The following SCHIP1 variants were observed in gnomAD, a reference collection of about 807,000 sequenced individuals.
SCHIP1 encodes the protein schwannomin-interacting protein 1.
Under a neutral mutation model 29.7 loss-of-function variants are expected in SCHIP1, and 8 were observed. That is an observed-to-expected ratio of 0.27 (90% confidence interval 0.16 to 0.49). The LOEUF (loss-of-function observed/expected upper bound fraction) is 0.49, where lower values mean the gene tolerates loss of function less well. SCHIP1 is among the 20% of genes least tolerant of loss of function. The probability of loss-of-function intolerance (pLI) is 0.99; values close to 1 mark genes in which losing one functional copy is unlikely to be tolerated. For missense variants in SCHIP1, 193 were observed against 294.6 expected, an observed-to-expected ratio of 0.66 and a Z score of 2.52; for synonymous variants, 76 against 94.9, an observed-to-expected ratio of 0.80 and a Z score of 1.16.
the SCHIP1 span, among the ~76,000 whole-genome samples, chr3:159,539,753 T>C: frequency 7.4e-6 from 1 of 135,810 alleles, no homozygotes; most frequent in East Asian, 2.5e-4. Flanking sequence ...TCTGAGTGCT[T>C]TCCCCCCATT....
chr3:159,476,770 A>C, the SCHIP1 span, among the ~76,000 whole-genome samples: 2 of 152,172 alleles, frequency 1.3e-5, no homozygotes, highest in Non-Finnish European at 2.9e-5. Flanking sequence ...AATCAACCTA[A>C]TTAACATATA....
At chr3:159,555,115 A>C in the SCHIP1 span, among the ~76,000 whole-genome samples, 1 of 152,196 alleles carries the variant, frequency 6.6e-6, no homozygotes, top group Non-Finnish European at 1.5e-5. Flanking sequence ...AAAAGCTCAA[A>C]TAGATGGATT....
chr3:159,344,633 T>G, the SCHIP1 span, among the ~76,000 whole-genome samples: 1 of 152,164 alleles, frequency 6.6e-6, no homozygotes, highest in Non-Finnish European at 1.5e-5. Flanking sequence ...ACTGTCAAGG[T>G]CCTCAATAGC....
chr3:159,869,206 A>G (rs1223320540), intron 2 of SCHIP1, among the ~76,000 whole-genome samples: 1 of 151,866 alleles, frequency 6.6e-6, no homozygotes, highest in Admixed American at 6.6e-5. Flanking sequence ...TCACTTTTTT[A>G]ATATGTGTTT....
chr3:159,745,372 C>A, the SCHIP1 span, among the ~76,000 whole-genome samples: 6 of 152,202 alleles, frequency 3.9e-5, no homozygotes, highest in African/African-American at 1.4e-4. Context: ...ATGCCCCTGC[C>A]TGCTCCCAGG....
chr3:159,274,409 T>C, the SCHIP1 span: 2 of 942,710 alleles, frequency 2.1e-6, no homozygotes, highest in Non-Finnish European at 1.3e-6. Context: ...AATTTATTGG[T>C]ATGAAATGTA....
chr3:159,644,463 A>G, the SCHIP1 span, among the ~76,000 whole-genome samples: 1 of 150,948 alleles, frequency 6.6e-6, no homozygotes, highest in South Asian at 2.1e-4. Flanking sequence ...CTGTAATTCT[A>G]GTGTGATGTA....
At chr3:159,670,490 C>T in the SCHIP1 span, among the ~76,000 whole-genome samples, 10 of 152,052 alleles carry the variant, frequency 6.6e-5, no homozygotes, top group East Asian at 1.9e-4. Flanking sequence ...TTTTGCTGTC[C>T]GAAATTCAAT....
At chr3:159,573,722 T>C in the SCHIP1 span, among the ~76,000 whole-genome samples, 43 of 152,350 alleles carry the variant, frequency 2.8e-4, no homozygotes, top group African/African-American at 9.9e-4. Flanking sequence ...TTGGTTCCAT[T>C]CTCCTCATCA....
the SCHIP1 span, among the ~76,000 whole-genome samples, chr3:159,527,995 C>A: frequency 2.0e-3 from 299 of 152,036 alleles, 1 homozygote; most frequent in African/African-American, 6.7e-3. Flanking sequence ...ATTGTTCATC[C>A]AAAAAAATGG....
chr3:159,506,271 T>G, the SCHIP1 span, among the ~76,000 whole-genome samples: 2 of 152,268 alleles, frequency 1.3e-5, no homozygotes, highest in African/African-American at 4.8e-5. Context: ...ATGTCTTATT[T>G]GAGAAGTGTC....
chr3:159,300,610 G>A, the SCHIP1 span, among the ~76,000 whole-genome samples: 9 of 152,094 alleles, frequency 5.9e-5, no homozygotes, highest in African/African-American at 1.4e-4. Flanking sequence ...CTGAACACAC[G>A]GAGTTACATC....
At chr3:159,713,405 AC>A in the SCHIP1 span, among the ~76,000 whole-genome samples, 1 of 152,068 alleles carries the variant, frequency 6.6e-6, no homozygotes, top group Non-Finnish European at 1.5e-5. Context: ...TGAAGCCCCA[AC>A]CCCTCACTCC....
chr3:159,492,322 G>A, the SCHIP1 span, among the ~76,000 whole-genome samples: 49 of 152,176 alleles, frequency 3.2e-4, no homozygotes, highest in African/African-American at 1.1e-3. Flanking sequence ...GAGGAAGTTC[G>A]AACCAATGGC....
At chr3:159,619,070 A>C in the SCHIP1 span, among the ~76,000 whole-genome samples, 1 of 152,228 alleles carries the variant, frequency 6.6e-6, no homozygotes, top group African/African-American at 2.4e-5. Flanking sequence ...CTGGGCTGTA[A>C]ATTTATACCA....
At chr3:159,418,642 TTTTC>T in the SCHIP1 span, among the ~76,000 whole-genome samples, 6 of 152,268 alleles carry the variant, frequency 3.9e-5, no homozygotes, top group African/African-American at 7.2e-5. Flanking sequence ...ATACAGAGCC[TTTTC>T]TTTCTTTGTT....
chr3:159,689,639 A>G, the SCHIP1 span, among the ~76,000 whole-genome samples: 2 of 152,180 alleles, frequency 1.3e-5, no homozygotes, highest in Non-Finnish European at 2.9e-5. Context: ...GCTGTGTTGA[A>G]TAGGAGTGGT....
the SCHIP1 span, among the ~76,000 whole-genome samples, chr3:159,557,540 G>C: frequency 3.9e-5 from 6 of 152,182 alleles, no homozygotes; most frequent in African/African-American, 1.4e-4. Context: ...TTTTGGCTGG[G>C]CATGCTGGCT....
At chr3:159,821,044 GACTACA>G in the SCHIP1 span, among the ~76,000 whole-genome samples, 1 of 152,202 alleles carries the variant, frequency 6.6e-6, no homozygotes, top group Non-Finnish European at 1.5e-5. Context: ...TGTAGTTAGT[GACTACA>G]GCTCCAGTGG....
Sources: allele counts gnomAD v4.1 joint callset (sites outside exome capture counted in the v4.1 genomes callset), GRCh38; gene constraint gnomAD v4.1.1; transcripts MANE v1.5; gene names NCBI Gene and HGNC (gene_info 2026-07-23, HGNC 2026-07-21).